Variants in NRXN3 observed in about 807,000 individuals in gnomAD.
NRXN3 encodes neurexin III.
In NRXN3, 32 loss-of-function variants were observed where a neutral mutation model predicts 137.6. That is an observed-to-expected ratio of 0.23 (90% CI 0.18 to 0.31). The LOEUF is 0.31. Among genes scored for constraint, NRXN3 ranks in the 10% least tolerant of loss-of-function variants. The pLI is 1.00. For synonymous variants in NRXN3, 798 were observed against 784.5 expected, an observed-to-expected ratio of 1.02 and a Z score of -0.29; for missense variants, 1,574 against 2,062.5, an observed-to-expected ratio of 0.76 and a Z score of 4.59.
chr14:78,489,202 G>C lies in NRXN3; in HGVS notation c.758-155918G>C, dbSNP rs141417548. Among the ~76,000 whole-genome samples the C allele has an allele frequency of 2.8e-3, 433 of 152,302 alleles. 3 individuals are homozygous for C. The highest frequency in any genetic ancestry group is 6.8e-3 in the Middle Eastern group (2 of 294). On this transcript the variant is annotated intron_variant, in intron 4 of 20. Coordinates refer to ENST00000335750, the MANE Select transcript of NRXN3 (RefSeq NM_001330195.2). ...CGCTGATGACTTGAGCTTTGTGTGT[G>C]CCATTGGAAATCATGAATGAGAAAA...
chr14:78,586,508 G>T (rs1047322457), intron 4 of NRXN3, among the ~76,000 whole-genome samples: 1 of 152,192 alleles, frequency 6.6e-6, no homozygotes, highest in Non-Finnish European at 1.5e-5. Context: ...AGCTGTGCCT[G>T]GTATCCAGTA....
At chr14:79,058,108 G>A (rs2099668360) in intron 15 of NRXN3, among the ~76,000 whole-genome samples, 1 of 152,066 alleles carries the variant, frequency 6.6e-6, no homozygotes, top group South Asian at 2.1e-4. Context: ...TCTAAAGTAG[G>A]AGATGCGGGA....
At position 78,318,618 on chromosome 14, in the gene NRXN3, C is replaced by T. The variant is rs530965428; in HGVS notation, c.757+20758C>T. ...TTCATCTAGGATTTTGAGGCAGCAA[C>T]ATCCCCCCCGATTCCCCCAATGTCA... On this transcript the variant is annotated intron_variant, in intron 4 of 20. Coordinates refer to ENST00000335750, the MANE Select transcript of NRXN3 (RefSeq NM_001330195.2). Among the ~76,000 whole-genome samples, 49 of 152,288 alleles carry T rather than the reference C, an allele frequency of 3.2e-4. 1 individual carries two copies. The highest frequency in any genetic ancestry group is 2.9e-3 in the Admixed American group (44 of 15,294).
At chr14:78,498,912 C>G (rs542464319) in intron 4 of NRXN3, among the ~76,000 whole-genome samples, 2 of 151,976 alleles carry the variant, frequency 1.3e-5, no homozygotes, top group African/African-American at 4.8e-5. Flanking sequence ...AGGCATGAAC[C>G]ACTGTGGCTG....
intron 15 of NRXN3, among the ~76,000 whole-genome samples, chr14:79,344,586 A>T (rs1347275020): frequency 6.6e-6 from 1 of 152,204 alleles, no homozygotes; most frequent in Non-Finnish European, 1.5e-5. Flanking sequence ...TGCCATGGTT[A>T]TAGATCTGAA....
At chr14:78,889,372 C>G (rs1018783693) in intron 10 of NRXN3, among the ~76,000 whole-genome samples, 2 of 151,914 alleles carry the variant, frequency 1.3e-5, no homozygotes, top group African/African-American at 2.4e-5. Context: ...TTCAGAGAAG[C>G]ATTGCACTTG....
chr14:78,636,135 A>G (rs926347152), intron 4 of NRXN3, among the ~76,000 whole-genome samples: 4 of 152,312 alleles, frequency 2.6e-5, no homozygotes, highest in African/African-American at 9.6e-5. Flanking sequence ...ATTGTGTAAT[A>G]GACATAAGAG....
At chr14:79,637,390 G>A (rs1242857483) in intron 16 of NRXN3, among the ~76,000 whole-genome samples, 1 of 152,132 alleles carries the variant, frequency 6.6e-6, no homozygotes, top group Non-Finnish European at 1.5e-5. Flanking sequence ...CCACCACATT[G>A]TAAAGACACA....
intron 10 of NRXN3, among the ~76,000 whole-genome samples, chr14:78,855,587 G>T (rs923488478): frequency 5.9e-5 from 9 of 152,108 alleles, no homozygotes; most frequent in African/African-American, 2.2e-4. Flanking sequence ...TCATGAAAAG[G>T]AATGATTTTA....
At chr14:78,986,396 G>T (rs1335411838) in intron 14 of NRXN3, among the ~76,000 whole-genome samples, 1 of 152,020 alleles carries the variant, frequency 6.6e-6, no homozygotes, top group Admixed American at 6.6e-5. Context: ...CCAAAGTTAA[G>T]GCAGAAAATG....
At chr14:78,231,125 G>A (rs67442597) in intron 1 of NRXN3, among the ~76,000 whole-genome samples, 18,975 of 152,162 alleles carry the variant, frequency 0.12, 1,274 homozygotes, top group East Asian at 0.16. Context: ...AGGTAGAGGA[G>A]GAGAGATGGT....
chr14:79,010,925 G>A (rs1352860982), intron 15 of NRXN3, among the ~76,000 whole-genome samples: 1 of 152,004 alleles, frequency 6.6e-6, no homozygotes, highest in African/African-American at 2.4e-5. Flanking sequence ...TTATGCTGTG[G>A]CACAAAAAAA....
At chr14:78,684,540 C>T (rs1316418175) in intron 6 of NRXN3, among the ~76,000 whole-genome samples, 1 of 152,176 alleles carries the variant, frequency 6.6e-6, no homozygotes, top group African/African-American at 2.4e-5. Flanking sequence ...CACAATGGCT[C>T]ACACCTGTAA....
At chr14:78,893,487 T>C (rs1412608030) in intron 10 of NRXN3, among the ~76,000 whole-genome samples, 1 of 151,874 alleles carries the variant, frequency 6.6e-6, no homozygotes, top group Admixed American at 6.6e-5. Context: ...TGATTTATAA[T>C]GTTCAAACTG....
intron 4 of NRXN3, among the ~76,000 whole-genome samples, chr14:78,443,794 G>A (rs1215507672): frequency 1.3e-5 from 2 of 152,174 alleles, no homozygotes; most frequent in African/African-American, 4.8e-5. Context: ...TACATAGTAG[G>A]AGCTTAGTCA....
At chr14:78,598,574 T>A (rs2097177412) in intron 4 of NRXN3, among the ~76,000 whole-genome samples, 1 of 152,228 alleles carries the variant, frequency 6.6e-6, no homozygotes, top group Admixed American at 6.5e-5. Flanking sequence ...ACACATTTGC[T>A]GTGTCACTTC....
At chr14:78,483,616 G>A (rs1215047405) in intron 4 of NRXN3, among the ~76,000 whole-genome samples, 2 of 152,160 alleles carry the variant, frequency 1.3e-5, no homozygotes, top group African/African-American at 4.8e-5. Flanking sequence ...TCTATGCAGT[G>A]GACATGAGAG....
intron 20 of NRXN3, among the ~76,000 whole-genome samples, chr14:79,805,971 C>A (rs1032181996): frequency 6.6e-6 from 1 of 152,072 alleles, no homozygotes; most frequent in African/African-American, 2.4e-5. Flanking sequence ...ACCTAATGTC[C>A]AGCAGGCAAT....
chr14:79,712,895 A>C (rs1387517110), intron 19 of NRXN3, among the ~76,000 whole-genome samples: 1 of 152,024 alleles, frequency 6.6e-6, no homozygotes, highest in African/African-American at 2.4e-5. Flanking sequence ...TTTCAGCTCT[A>C]TTTATTTCCT....
Sources: allele counts gnomAD v4.1 joint callset (sites outside exome capture counted in the v4.1 genomes callset), GRCh38; gene constraint gnomAD v4.1.1; transcripts MANE v1.5; gene names NCBI Gene and HGNC (gene_info 2026-07-23, HGNC 2026-07-21).